NEB: variants seen among roughly 807,000 people sequenced by gnomAD.
NEB encodes nemaline myopathy type 2.
In NEB, 512 loss-of-function variants were observed where a neutral mutation model predicts 952.2. The ratio of observed to expected loss-of-function variants is 0.54; its 90% CI spans 0.50 to 0.58. The LOEUF (loss-of-function observed/expected upper bound fraction) is 0.58. Among genes scored for constraint, NEB ranks in the 20% least tolerant of loss-of-function variants. NEB has a pLI of 0.00. For synonymous variants in NEB, 2,900 were observed against 3,149.8 expected (o/e 0.92, Z 2.66); for missense variants, 8,428 against 9,231.1 (o/e 0.91, Z 3.56).
chr2:151,690,284 C>T lies in NEB; in HGVS notation c.2310+443G>A, dbSNP rs1042517033. The T allele has an allele frequency of 1.7e-5, 3 of 178,340 alleles. No individual in the cohort carries two copies. In the Admixed American group the frequency reaches 1.8e-4, roughly 11 times the overall value. 11.0% of individuals were successfully genotyped at this position (178,340 alleles called of 1,614,324 possible). ...GTCATCCCACTTTAATTCTGTAGCA[C>T]CATTCTATATTAGTTTTCTTATCAC... is the stretch of plus-strand genomic sequence containing the variant. On this transcript the variant is annotated intron_variant, in intron 24 of 181. Coordinates refer to ENST00000397345, the MANE Select transcript of NEB (RefSeq NM_001164508.2).
Position 151,677,989 on chromosome 2 carries a change from CT to C in NEB, c.3453del (p.Ala1152ProfsTer32). 1 of 1,613,906 alleles carries C rather than the reference CT, an allele frequency of 6.2e-7. No homozygotes were observed. The highest frequency in any genetic ancestry group is 1.1e-5 in the South Asian group (1 of 91,082). The part of the protein sequence containing the change: ...HDMFNVVAAK[K>X]AQDVVSNVNY... The stretch of plus-strand genomic sequence containing the variant: ...TTGACATTGCTGACCACATCCTGGG[CT>C]TTCTTAGCCGCCACGACATTGAACA... On this transcript the variant is annotated frameshift_variant, in exon 33 of 182. Transcript: ENST00000397345. LOFTEE classifies it high-confidence loss of function.
intron 167 of NEB, 55 bp downstream of exon 167, chr2:151,502,738 T>C (rs2065672407): frequency 4.2e-6 from 4 of 954,012 alleles, no homozygotes; most frequent in Non-Finnish European, 1.7e-6. Flanking sequence ...TGTAAGGTGT[T>C]ATTATTTTAA....
At chr2:151,649,396 T>C (rs755195025) in intron 54 of NEB, among the ~76,000 whole-genome samples, 7 of 152,164 alleles carry the variant, frequency 4.6e-5, no homozygotes, top group Non-Finnish European at 7.4e-5. Context: ...GTGTATAGCA[T>C]ATTACATATA....
chr2:151,566,670 A>G (rs2096414116), intron 114 of NEB, among the ~76,000 whole-genome samples: 1 of 152,204 alleles, frequency 6.6e-6, no homozygotes, highest in South Asian at 2.1e-4. Context: ...TGCATGAGGC[A>G]TACTGGGCCC....
At chr2:151,575,903 T>C (rs2096811447) in intron 106 of NEB, 104 bp from the exon 107 acceptor site, 3 of 889,320 alleles carry the variant, frequency 3.4e-6, no homozygotes, top group Non-Finnish European at 5.5e-6. Flanking sequence ...CAAAACCCTT[T>C]CATGTTAGGG....
rs371027084 is a variant in NEB at position 151,684,975 on chromosome 2, G to A, written c.2638C>T (p.Arg880Cys). Residue 880 changes from arginine (R) to cysteine (C), a missense_variant and splice_region_variant, in exon 28 of 182, where the codon CGC becomes TGC. Around this residue, in one of 11 missense-constraint regions of NEB, gnomAD observed 2,851 missense variants for 2,791.5 expected, o/e 1.02. Coordinates refer to ENST00000397345, the MANE Select transcript of NEB (RefSeq NM_001164508.2). The part of the protein sequence containing the change: ...SLKTAKNQSD[R>C]EYRKDYEKSK... ...TTTTCATAATCTTTTCGATATTCGC[G>A]CTGTGAATAGGAAATTATCATTTAT... 25 of 1,591,916 alleles carry A rather than the reference G, an allele frequency of 1.6e-5. No individual in the cohort carries two copies. The highest frequency in any genetic ancestry group is 3.5e-5 in the Admixed American group (2 of 57,216).
At chr2:151,515,256 C>T (rs1163592258) in intron 157 of NEB, among the ~76,000 whole-genome samples, 2 of 152,196 alleles carry the variant, frequency 1.3e-5, no homozygotes, top group African/African-American at 2.4e-5. Flanking sequence ...TGAACTTTCC[C>T]ACACCTTTCT....
intron 75 of NEB, among the ~76,000 whole-genome samples, chr2:151,616,501 C>T (rs1298706004): frequency 1.3e-5 from 2 of 152,096 alleles, no homozygotes; most frequent in Non-Finnish European, 2.9e-5. Context: ...AGAGACCAGC[C>T]TGGCCAACAT....
rs768100915 is a variant in NEB, at chr2:151,503,327, TATATG to T, written c.23835+17_23835+21del. The T allele has an allele frequency of 1.9e-5, 29 of 1,531,542 alleles. No homozygotes were observed. The highest frequency in any genetic ancestry group is 4.5e-5 in the East Asian group (2 of 44,420). The allele number at this position is 1,531,542 out of a possible 1,614,324, so 94.9% of individuals were successfully genotyped here. ...AAATTTTTTATGGGAAATAGTTTCT[TATATG>T]ATATATTTGTAAATACCGAGCTAAA... On this transcript the variant is annotated intron_variant, in intron 166 of 181. Transcript: ENST00000397345.
chr2:151,498,392 A>C, intron 169 of NEB, 40 bp from the exon 170 acceptor site: 1 of 1,427,326 alleles, frequency 7.0e-7, no homozygotes, highest in Non-Finnish European at 9.6e-7. Flanking sequence ...AAAAGCAATC[A>C]ATCAGTCATT....
Position 151,505,508 on chromosome 2 carries a change from AC to A in NEB, c.23711del (p.Arg7904LeufsTer2). The A allele has an allele frequency of 1.9e-6, 3 of 1,613,658 alleles. No individual in the cohort carries two copies. The highest frequency in any genetic ancestry group is 2.5e-6 in the Non-Finnish European group (3 of 1,179,708). On this transcript the variant is annotated frameshift_variant, in exon 165 of 182. Coordinates refer to ENST00000397345, the MANE Select transcript of NEB (RefSeq NM_001164508.2). LOFTEE classifies it high-confidence loss of function. ...TAATGTGCTTCTGCGTCTCCTTCAC[AC>A]GTTTCACTTCAGGCAGGTCAGGGAT... is the stretch of plus-strand genomic sequence containing the variant. ...TPIPDLPEVKRVKETQKHISS... is the reference protein window; with the variant it reads ...TPIPDLPEVKXVKETQKHISS...
At position 151,616,089 on chromosome 2, in the gene NEB, C is replaced by T. The variant is rs749150490; in HGVS notation, c.11202G>A (p.Leu3734=). 6.2e-7 allele frequency: 1 copy of T among 1,612,068 alleles called. No individual in the cohort carries two copies. The highest frequency in any genetic ancestry group is 8.5e-7 in the Non-Finnish European group (1 of 1,179,006). The change falls in exon 76 of 182, where the codon TTG becomes TTA. Residue 3734 remains leucine (L), a synonymous_variant. Transcript: ENST00000397345. ...CATAGCCTTCCTTCTTGGACTCTTC[C>T]AAAGCAAGTTTATAGAGTTTCTGTA... is the stretch of plus-strand genomic sequence containing the variant. The part of the protein sequence containing the change: ...NYSDKLYKLA[L]EESKKEGYDL...
chr2:151,513,956 TTAGAG>T (rs1197631267), intron 159 of NEB, among the ~76,000 whole-genome samples: 5 of 152,218 alleles, frequency 3.3e-5, no homozygotes, highest in African/African-American at 1.2e-4. Context: ...GCTTAGAAGA[TTAGAG>T]TATAAAGTAA....
chr2:151,487,412 A>G (rs927129256), intron 181 of NEB, among the ~76,000 whole-genome samples: 3 of 152,248 alleles, frequency 2.0e-5, no homozygotes, highest in South Asian at 2.1e-4. Context: ...AATCACATGC[A>G]TATATTCAAA....
intron 157 of NEB, among the ~76,000 whole-genome samples, chr2:151,515,163 C>G (rs1237863757): frequency 6.6e-6 from 1 of 152,196 alleles, no homozygotes; most frequent in Non-Finnish European, 1.5e-5. Flanking sequence ...ACTCATCAGT[C>G]TAATGTTGTG....
At position 151,727,736 on chromosome 2, in the gene NEB, G is replaced by T. The variant is rs200936927; in HGVS notation, c.249C>A (p.Thr83=). The T allele has an allele frequency of 6.2e-7, 1 of 1,613,634 alleles. No individual in the cohort carries two copies. Among genetic ancestry groups the T allele is most frequent in the South Asian group, 1.1e-5 (1 of 91,076 alleles). The change falls in exon 5 of 182, where the codon ACC becomes ACA. Residue 83 remains threonine, a synonymous_variant. Coordinates refer to ENST00000397345, the MANE Select transcript of NEB (RefSeq NM_001164508.2). ...RKKVDPSKFM[T]PYIAHSQKMQ... is the part of the protein sequence containing the mutation. The stretch of plus-strand genomic sequence containing the variant: ...TTTTCTGACTGTGTGCAATGTAGGG[G>T]GTCATGAACTTTGAAGGATCCACTT...
At position 151,661,982 on chromosome 2, in the gene NEB, CT is replaced by C. The variant is rs370822145; in HGVS notation, c.5970+152del. 5.1e-3 allele frequency among the ~76,000 whole-genome samples: 739 copies of C among 145,652 alleles called. 8 individuals are homozygous for C. Among genetic ancestry groups the C allele is most frequent in the African/African-American group, 0.015 (598 of 40,066 alleles). ...CTACTAGTTAGAAATAATTCCTATT[CT>C]TTTTTTTTTTAACGACAAGACTCTT... On this transcript the variant is annotated intron_variant, in intron 46 of 181. Coordinates refer to ENST00000397345, the MANE Select transcript of NEB (RefSeq NM_001164508.2).
intron 107 of NEB, among the ~76,000 whole-genome samples, 198 bp downstream of exon 107, chr2:151,575,497 C>T (rs940520100): frequency 6.6e-6 from 1 of 152,160 alleles, no homozygotes; most frequent in South Asian, 2.1e-4. Context: ...GATATTGACT[C>T]ACCAGTAACT....
intron 76 of NEB, 150 bp downstream of exon 76, chr2:151,615,852 T>C: frequency 1.6e-6 from 1 of 641,818 alleles, no homozygotes; most frequent in Non-Finnish European, 2.7e-6. Flanking sequence ...TGCTTTTCTT[T>C]TTTTCCATTT....
Sources: gnomAD v4.1 joint callset for allele counts (sites outside exome capture counted in the v4.1 genomes callset) on GRCh38, gnomAD v4.1.1 for gene constraint, gnomAD v4.1.1 regional missense constraint, MANE v1.5 for transcripts, NCBI Gene and HGNC (gene_info 2026-07-23, HGNC 2026-07-21) for gene names.